The following GRIN2B variants were observed in gnomAD, a reference collection of about 807,000 sequenced individuals.
GRIN2B encodes the protein glutamate receptor ionotropic, NMDA 2B.
GRIN2B carries 5 observed loss-of-function variants against 114.5 expected under a neutral mutation model. That is an observed-to-expected ratio of 0.04 (90% confidence interval 0.02 to 0.09). GRIN2B has a LOEUF of 0.09. GRIN2B is among the 10% of genes least tolerant of loss of function. The pLI, the probability that GRIN2B is intolerant of heterozygous loss-of-function variation, is 1.00. For synonymous variants in GRIN2B, 787 were observed against 745.1 expected (o/e 1.06, Z -0.92); for missense variants, 1,108 against 1,943.5 (o/e 0.57, Z 8.08).
intron 5 of GRIN2B, among the ~76,000 whole-genome samples, chr12:13,646,309 T>G (rs565938906): frequency 6.6e-6 from 1 of 152,266 alleles, no homozygotes; most frequent in South Asian, 2.1e-4. Context: ...TGACTCCTCT[T>G]CTTTAAGAAT....
rs770631471 is a variant in GRIN2B at position 13,911,865 on chromosome 12, G to A, written c.-18-45639C>T. Among the ~76,000 whole-genome samples, 4 of 151,986 alleles carry A rather than the reference G, an allele frequency of 2.6e-5. No homozygotes were observed. The East Asian group carries it at 5.8e-4, about 22-fold the overall frequency. ...CAACCCCTCACACTATTTCTTCTAC[G>A]AAGAAAGCATTTAGCAAGAAAACGG... On this transcript the variant is annotated intron_variant, in intron 2 of 13. Transcript: ENST00000609686.
At chr12:13,794,097 T>G (rs1591734878) in intron 3 of GRIN2B, among the ~76,000 whole-genome samples, 1 of 132,832 alleles carries the variant, frequency 7.5e-6, no homozygotes, top group African/African-American at 2.8e-5. Context: ...CATGTGCCTG[T>G]GGGAGGCTGA....
At chr12:13,618,066 A>G (rs970354855) in intron 5 of GRIN2B, among the ~76,000 whole-genome samples, 2 of 152,256 alleles carry the variant, frequency 1.3e-5, no homozygotes, top group African/African-American at 2.4e-5. Flanking sequence ...GCACTGAACC[A>G]AACGTTTGCT....
intron 2 of GRIN2B, among the ~76,000 whole-genome samples, chr12:13,894,434 T>C (rs1440411557): frequency 6.6e-6 from 1 of 152,086 alleles, no homozygotes; most frequent in Non-Finnish European, 1.5e-5. Context: ...TTCAATAACA[T>C]AGAAAAATCT....
At chr12:13,680,915 G>C (rs1244193095) in intron 4 of GRIN2B, among the ~76,000 whole-genome samples, 3 of 152,154 alleles carry the variant, frequency 2.0e-5, no homozygotes, top group Non-Finnish European at 4.4e-5. Flanking sequence ...AAGAGCCTCA[G>C]AATCCTGATG....
Position 13,615,696 on chromosome 12 carries a change from C to CA in GRIN2B, c.1329-33dup. On this transcript the variant is annotated intron_variant, in intron 6 of 13. Transcript: ENST00000609686. The surrounding 1 kb of genome is among the most constrained non-coding windows in gnomAD (Gnocchi z 5.8). ...AATTAAAGAAACAAAAACAAACAAA[C>CA]AAAAAAGTCTTTGTACAAAAAGCCA... The CA allele has an allele frequency of 6.3e-7, 1 of 1,596,536 alleles. No individual in the cohort carries two copies.
At chr12:13,593,472 T>G (rs912924553) in intron 10 of GRIN2B, among the ~76,000 whole-genome samples, 2 of 152,042 alleles carry the variant, frequency 1.3e-5, no homozygotes, top group Non-Finnish European at 2.9e-5. Flanking sequence ...ATAAATGGTG[T>G]TGGGAAAAGT....
intron 10 of GRIN2B, among the ~76,000 whole-genome samples, chr12:13,574,637 C>G (rs1307149343): frequency 6.6e-6 from 1 of 152,160 alleles, no homozygotes. Flanking sequence ...CCTGATGAAG[C>G]TACATTATAG....
intron 10 of GRIN2B, among the ~76,000 whole-genome samples, chr12:13,600,630 T>C (rs1949144807): frequency 6.6e-6 from 1 of 152,124 alleles, no homozygotes; most frequent in Non-Finnish European, 1.5e-5. Flanking sequence ...TATCTTCCAG[T>C]TCTCTGATTT....
rs12822453 is a variant in GRIN2B at position 13,541,887 on chromosome 12, G to A, written c.*20896C>T. The A allele has an allele frequency of 0.13, 19,784 of 152,248 alleles. 1,688 individuals are homozygous for A. Among genetic ancestry groups the A allele is most frequent in the Middle Eastern group, 0.3 (89 of 292 alleles). The allele number at this position is 152,248 out of a possible 1,614,324, so 9.4% of individuals were successfully genotyped here. ...GTGCATCCTCTGTGTCAGAAACAAC[G>A]TGCAGTGTCTCTGGGGGCAGACTCT... On this transcript the variant is annotated 3_prime_UTR_variant, in exon 14 of 14. Transcript: ENST00000609686.
At chr12:13,893,015 C>T (rs1866288662) in intron 2 of GRIN2B, among the ~76,000 whole-genome samples, 1 of 152,152 alleles carries the variant, frequency 6.6e-6, no homozygotes, top group South Asian at 2.1e-4. Context: ...CTGACCAAAA[C>T]CATCCCTGTG....
intron 2 of GRIN2B, among the ~76,000 whole-genome samples, chr12:13,888,775 TA>T (rs991509146): frequency 9.0e-5 from 10 of 110,956 alleles, no homozygotes; most frequent in African/African-American, 3.1e-4. Flanking sequence ...AAAGATTTTT[TA>T]AAACGGTATA....
At chr12:13,621,598 A>G (rs1300580775) in intron 5 of GRIN2B, among the ~76,000 whole-genome samples, 1 of 145,992 alleles carries the variant, frequency 6.8e-6, no homozygotes, top group Admixed American at 6.8e-5. Context: ...AGAAAAAAAA[A>G]ATTGCCTAGT....
chr12:13,973,110 C>G (rs1325920669), intron 2 of GRIN2B, among the ~76,000 whole-genome samples: 1 of 152,184 alleles, frequency 6.6e-6, no homozygotes, highest in East Asian at 1.9e-4. Context: ...AGCGTCCTCA[C>G]CTGAGCTTCA....
intron 4 of GRIN2B, among the ~76,000 whole-genome samples, chr12:13,732,812 G>A (rs1243711547): frequency 2.6e-5 from 4 of 152,144 alleles, no homozygotes; most frequent in Non-Finnish European, 4.4e-5. Context: ...TAATCCAAGA[G>A]CCCAGAGAAA....
chr12:13,907,357 G>A (rs1375060833), intron 2 of GRIN2B, among the ~76,000 whole-genome samples: 2 of 152,100 alleles, frequency 1.3e-5, no homozygotes, highest in African/African-American at 4.8e-5. Flanking sequence ...GGGCGTGGTG[G>A]CACACACCTG....
chr12:13,867,950 A>G (rs146579523), intron 2 of GRIN2B, among the ~76,000 whole-genome samples: 1 of 152,228 alleles, frequency 6.6e-6, no homozygotes, highest in East Asian at 1.9e-4. Flanking sequence ...GAGATTAGCT[A>G]ATCATGACAG....
chr12:13,611,443 T>A (rs1949364475), intron 9 of GRIN2B, among the ~76,000 whole-genome samples: 1 of 152,210 alleles, frequency 6.6e-6, no homozygotes, highest in South Asian at 2.1e-4. Context: ...CTGTGACATG[T>A]TTATGCTATA....
At chr12:13,572,705 G>T (rs1378333559) in intron 10 of GRIN2B, among the ~76,000 whole-genome samples, 1 of 152,068 alleles carries the variant, frequency 6.6e-6, no homozygotes, top group African/African-American at 2.4e-5. Context: ...TCTTTATGTT[G>T]CTTCCTGAAC....
Sources: gnomAD v4.1 joint callset for allele counts (sites outside exome capture counted in the v4.1 genomes callset) on GRCh38, gnomAD v4.1.1 for gene constraint, Gnocchi (gnomAD v3.1) non-coding constraint, MANE v1.5 for transcripts, NCBI Gene and HGNC (gene_info 2026-07-23, HGNC 2026-07-21) for gene names.